TMCO4: variants seen among roughly 807,000 people sequenced by gnomAD.
The protein encoded by TMCO4 is transmembrane and coiled-coil domain-containing protein 4.
A neutral mutation model predicts 64.7 loss-of-function variants in TMCO4; 58 were observed. That is an observed-to-expected ratio of 0.90 (90% CI 0.73 to 1.12). TMCO4 has a LOEUF of 1.12. Ranked by LOEUF, TMCO4 falls within the 50% of genes most tolerant of loss-of-function variation. TMCO4 has a pLI of 0.00. For synonymous variants in TMCO4, 325 were observed against 346.1 expected (o/e 0.94, Z 0.68); for missense variants, 780 against 825.9 (o/e 0.94, Z 0.68).
intron 4 of TMCO4, among the ~76,000 whole-genome samples, chr1:19,778,377 G>A (rs1342336292): frequency 2.0e-5 from 3 of 151,992 alleles, no homozygotes; most frequent in African/African-American, 7.3e-5. Context: ...GGGTTCAAGC[G>A]ATTCTCCTGC....
At chr1:19,689,263 A>T (rs1255960789) in intron 15 of TMCO4, among the ~76,000 whole-genome samples, 1 of 152,230 alleles carries the variant, frequency 6.6e-6, no homozygotes, top group Admixed American at 6.5e-5. Flanking sequence ...AATTACCCAG[A>T]AGAGGAAAGC....
intron 14 of TMCO4, among the ~76,000 whole-genome samples, chr1:19,698,167 G>C (rs2095249142): frequency 6.6e-6 from 1 of 152,176 alleles, no homozygotes; most frequent in African/African-American, 2.4e-5. Context: ...GGCAGACATG[G>C]CTCACTCACA....
chr1:19,727,156 G>A (rs781101403), intron 13 of TMCO4, among the ~76,000 whole-genome samples: 2 of 152,210 alleles, frequency 1.3e-5, no homozygotes, highest in African/African-American at 4.8e-5. Context: ...CTGCCTCTAT[G>A]TCCTGGTGGG....
intron 10 of TMCO4, 61 bp from the exon 11 acceptor site, chr1:19,741,002 G>C: frequency 6.7e-7 from 1 of 1,501,492 alleles, no homozygotes; most frequent in Non-Finnish European, 8.9e-7. Context: ...CCCCACCCCA[G>C]TACCCCAGAC....
chr1:19,777,195 G>C (rs1477493115), intron 4 of TMCO4, among the ~76,000 whole-genome samples: 1 of 152,176 alleles, frequency 6.6e-6, no homozygotes, highest in African/African-American at 2.4e-5. Context: ...TGTCCTCCCT[G>C]ACGGGAGACT....
intron 3 of TMCO4, among the ~76,000 whole-genome samples, chr1:19,784,673 T>C (rs1221378726): frequency 6.6e-6 from 1 of 152,104 alleles, no homozygotes; most frequent in East Asian, 1.9e-4. Flanking sequence ...GTCATGTCAC[T>C]AGGTTGCTTA....
At chr1:19,785,143 C>CCAT (rs1238002941) in intron 3 of TMCO4, among the ~76,000 whole-genome samples, 3 of 151,418 alleles carry the variant, frequency 2.0e-5, no homozygotes, top group Non-Finnish European at 2.9e-5. Flanking sequence ...CCTTCCCTGA[C>CCAT]CATCACATCA....
At position 19,709,619 on chromosome 1, in the gene TMCO4, G is replaced by C. The variant is rs139832500; in HGVS notation, c.1265-8734C>G. The stretch of plus-strand genomic sequence containing the variant: ...TGTGAGCACATTGACAAACTCTTTG[G>C]CTTTGGTTTTATCTTGCAAACATCA... On this transcript the variant is annotated intron_variant, in intron 13 of 15. Transcript: ENST00000294543. Among the ~76,000 whole-genome samples the C allele has an allele frequency of 5.4e-3, 817 of 152,190 alleles. 11 individuals are homozygous for C. The highest frequency in any genetic ancestry group is 0.019 in the African/African-American group (788 of 41,518).
rs1410296189 is a variant in TMCO4 at position 19,771,481 on chromosome 1, A to G, written c.181T>C (p.Ser61Pro). The stretch of plus-strand genomic sequence containing the variant: ...CCTGCCATGAACTCTGTGCAGAAGG[A>G]GCTGAAAGGCAGACATGGCTTAGTT... ...SQLFPEPEHSSFCTEFMAGLV... is the reference protein window; with the variant it reads ...SQLFPEPEHSPFCTEFMAGLV... The change falls in exon 5 of 16, where the codon TCC (serine) becomes CCC (proline). Residue 61 changes from serine (S) to proline (P), a missense_variant and splice_region_variant. By Grantham distance (74) the Ser-to-Pro change is moderately conservative. Transcript: ENST00000294543. 2 of 1,613,530 alleles carry G rather than the reference A, an allele frequency of 1.2e-6. No individual in the cohort carries two copies. The highest frequency in any genetic ancestry group is 2.2e-5 in the South Asian group (2 of 91,042).
intron 13 of TMCO4, among the ~76,000 whole-genome samples, chr1:19,721,569 G>A (rs868618283): frequency 1.3e-5 from 2 of 152,060 alleles, no homozygotes; most frequent in South Asian, 4.1e-4. Context: ...TGAGTGGATC[G>A]CTCAAGCTCA....
intron 13 of TMCO4, among the ~76,000 whole-genome samples, chr1:19,724,735 C>T (rs894857398): frequency 6.6e-6 from 1 of 152,086 alleles, no homozygotes; most frequent in East Asian, 1.9e-4. Context: ...TGTTTCTAGA[C>T]TCTAAGTTCA....
intron 13 of TMCO4, among the ~76,000 whole-genome samples, chr1:19,709,726 G>GT (rs143760742): frequency 0.041 from 5,946 of 143,502 alleles, 199 homozygotes; most frequent in South Asian, 0.14. Context: ...GTTTCTGTTT[G>GT]TTTTTTTTTT....
At chr1:19,799,357 G>T (rs569560958) in intron 1 of TMCO4, 1 of 151,770 alleles carries the variant, frequency 6.6e-6, no homozygotes, top group East Asian at 1.9e-4. Flanking sequence ...AGTCTGCGGG[G>T]GGACAGGGAG....
chr1:19,697,140 C>T (rs1445479410), intron 14 of TMCO4, among the ~76,000 whole-genome samples: 2 of 152,190 alleles, frequency 1.3e-5, no homozygotes, highest in African/African-American at 2.4e-5. Flanking sequence ...TGTGCTGTGC[C>T]GCCTCTCTCT....
intron 7 of TMCO4, among the ~76,000 whole-genome samples, chr1:19,754,017 C>A (rs1306682269): frequency 6.6e-6 from 1 of 152,176 alleles, no homozygotes; most frequent in African/African-American, 2.4e-5. Flanking sequence ...ATGAACTCAT[C>A]TGGGCCCCAC....
rs781345327 is a variant in TMCO4 at position 19,771,455 on chromosome 1, G to T, written c.207C>A (p.Gly69=). 1.2e-6 allele frequency: 2 copies of T among 1,613,956 alleles called. No homozygotes were observed. The highest frequency in any genetic ancestry group is 2.7e-5 in the African/African-American group (2 of 74,930). ...HSSFCTEFMA[G]LVQWLELSEA... is the part of the protein sequence containing the mutation. ...CAGACAACTCCAGCCACTGCACCAG[G>T]CCTGCCATGAACTCTGTGCAGAAGG... Residue 69 remains glycine (G), a synonymous_variant, in exon 5 of 16, where the codon GGC becomes GGA. Coordinates refer to ENST00000294543, the MANE Select transcript of TMCO4 (RefSeq NM_181719.7).
chr1:19,754,790 G>A lies in TMCO4; in HGVS notation c.515+844C>T, dbSNP rs796823537. 5.6e-4 allele frequency among the ~76,000 whole-genome samples: 85 copies of A among 152,272 alleles called. 2 individuals are homozygous for A. Among genetic ancestry groups the A allele is most frequent in the African/African-American group, 2.0e-3 (84 of 41,550 alleles). ...TCTACAACTGATGGGTCCGGGACAC[G>A]TCGGGGAAGGGGAGGATTCACATCT... is the stretch of plus-strand genomic sequence containing the variant. On this transcript the variant is annotated intron_variant, in intron 7 of 15. Coordinates refer to ENST00000294543, the MANE Select transcript of TMCO4 (RefSeq NM_181719.7).
intron 10 of TMCO4, among the ~76,000 whole-genome samples, chr1:19,741,584 GC>G (rs1168413581): frequency 1.2e-4 from 18 of 152,206 alleles, no homozygotes; most frequent in Admixed American, 1.2e-3. Context: ...AGCGGCCGAT[GC>G]CAAGTCGGAA....
intron 13 of TMCO4, among the ~76,000 whole-genome samples, chr1:19,730,143 G>T (rs2095424375): frequency 6.6e-6 from 1 of 152,228 alleles, no homozygotes; most frequent in African/African-American, 2.4e-5. Context: ...CTTCATGTGA[G>T]GAATGTCTCC....
Sources: allele counts gnomAD v4.1 joint callset (sites outside exome capture counted in the v4.1 genomes callset), GRCh38; gene constraint gnomAD v4.1.1; transcripts MANE v1.5; gene names NCBI Gene and HGNC (gene_info 2026-07-23, HGNC 2026-07-21).